MACROD2: variants seen among roughly 807,000 people sequenced by gnomAD.
The protein encoded by MACROD2 is mono-ADP ribosylhydrolase 2, also known as ADP-ribose glycohydrolase MACROD2.
A neutral mutation model predicts 70.4 loss-of-function variants in MACROD2; 36 were observed. That is an observed-to-expected ratio of 0.51 (90% CI 0.39 to 0.68). The LOEUF (loss-of-function observed/expected upper bound fraction) is 0.68. Among genes scored for constraint, MACROD2 ranks in the 30% least tolerant of loss-of-function variants. The pLI is 0.00. For missense variants in MACROD2, 496 were observed against 538.4 expected, an observed-to-expected ratio of 0.92 and a Z score of 0.78; for synonymous variants, 172 against 178.8, an observed-to-expected ratio of 0.96 and a Z score of 0.30.
chr20:15,632,906 CCTT>C lies in MACROD2; in HGVS notation c.645+133063_645+133065del, dbSNP rs1191549001. 5.3e-5 allele frequency among the ~76,000 whole-genome samples: 8 copies of C among 151,268 alleles called. No individual in the cohort carries two copies. In the East Asian group the frequency reaches 1.4e-3, roughly 26 times the overall value. ...CCTCCCTTCCATCCTTCTTTCGTTCCCTTCTTTCTCCCTTCCTCCCCTTCTTTC... is the reference window on the plus strand; with the variant it reads ...CCTCCCTTCCATCCTTCTTTCGTTCCCTTTCTCCCTTCCTCCCCTTCTTTC... On this transcript the variant is annotated intron_variant, in intron 8 of 17. Coordinates refer to ENST00000684519, the MANE Select transcript of MACROD2 (RefSeq NM_001351661.2).
At chr20:14,573,457 T>C (rs1258031992) in intron 4 of MACROD2, among the ~76,000 whole-genome samples, 1 of 152,206 alleles carries the variant, frequency 6.6e-6, no homozygotes, top group Non-Finnish European at 1.5e-5. Flanking sequence ...AAATAAAGTA[T>C]CTACGTACAT....
chr20:15,984,639 C>T (rs1035205936), intron 13 of MACROD2, among the ~76,000 whole-genome samples: 1 of 150,960 alleles, frequency 6.6e-6, no homozygotes, highest in African/African-American at 2.4e-5. Flanking sequence ...CCTCCCCCCC[C>T]CGCCCTTCTC....
chr20:15,962,661 C>T (rs1030234692), intron 12 of MACROD2, among the ~76,000 whole-genome samples: 1 of 152,104 alleles, frequency 6.6e-6, no homozygotes, highest in Non-Finnish European at 1.5e-5. Context: ...AATCTGAAGC[C>T]CTTCTGGGCC....
At chr20:14,793,119 C>A (rs2072469233) in intron 5 of MACROD2, among the ~76,000 whole-genome samples, 1 of 152,010 alleles carries the variant, frequency 6.6e-6, no homozygotes, top group South Asian at 2.1e-4. Flanking sequence ...ACATGGGTTA[C>A]AATTTTTCCT....
chr20:15,297,341 G>A (rs6079737), intron 6 of MACROD2, among the ~76,000 whole-genome samples: 5,216 of 152,176 alleles, frequency 0.034, 121 homozygotes, highest in South Asian at 0.079. Flanking sequence ...TTGTTACAGC[G>A]GGCTTGTATT....
chr20:15,609,597 G>A (rs567254719), intron 8 of MACROD2, among the ~76,000 whole-genome samples: 57 of 152,282 alleles, frequency 3.7e-4, no homozygotes, highest in Non-Finnish European at 7.5e-4. Flanking sequence ...GTGAGTGGAA[G>A]GTGATCTGTA....
chr20:14,624,365 A>G lies in MACROD2; in HGVS notation c.302-60478A>G, dbSNP rs1437556101. Among the ~76,000 whole-genome samples, 130 of 152,316 alleles carry G rather than the reference A, an allele frequency of 8.5e-4. 4 individuals carry two copies. The highest frequency in any genetic ancestry group is 8.4e-3 in the Admixed American group (128 of 15,284). ...CTGTTCCAGTCTTTTACTAAGGGAC[A>G]TTTTAATGCTGTCAACTTTGATTGG... On this transcript the variant is annotated intron_variant, in intron 4 of 17. Coordinates refer to ENST00000684519, the MANE Select transcript of MACROD2 (RefSeq NM_001351661.2).
intron 3 of MACROD2, among the ~76,000 whole-genome samples, chr20:14,208,888 A>G (rs2081547606): frequency 1.3e-5 from 2 of 152,368 alleles, no homozygotes; most frequent in African/African-American, 2.4e-5. Context: ...TCCTAAAAGT[A>G]GAAGAAAAAA....
chr20:14,234,935 C>A (rs1175197403), intron 3 of MACROD2, among the ~76,000 whole-genome samples: 1 of 152,032 alleles, frequency 6.6e-6, no homozygotes, highest in African/African-American at 2.4e-5. Context: ...ATTAATGAAC[C>A]GTTTATTATG....
intron 3 of MACROD2, among the ~76,000 whole-genome samples, chr20:14,187,273 T>C (rs184219926): frequency 2.0e-5 from 3 of 152,216 alleles, no homozygotes; most frequent in Admixed American, 6.5e-5. Context: ...TTTTGTGACA[T>C]TGGTGTAAAT....
chr20:15,439,558 A>G (rs1298932719), intron 7 of MACROD2, among the ~76,000 whole-genome samples: 3 of 152,144 alleles, frequency 2.0e-5, no homozygotes, highest in African/African-American at 2.4e-5. Context: ...CTGCAGCCCT[A>G]TAGCCACAAA....
At chr20:14,122,752 C>T (rs890963575) in intron 3 of MACROD2, among the ~76,000 whole-genome samples, 3 of 152,162 alleles carry the variant, frequency 2.0e-5, no homozygotes, top group Non-Finnish European at 4.4e-5. Context: ...GAGTTCTGAA[C>T]AACTATAGAA....
intron 3 of MACROD2, among the ~76,000 whole-genome samples, chr20:14,381,048 T>C (rs1441007396): frequency 6.6e-6 from 1 of 152,186 alleles, no homozygotes; most frequent in East Asian, 1.9e-4. Context: ...TCCTGATTTA[T>C]AACTCTGCTA....
At chr20:14,066,331 G>A (rs1217447873) in intron 2 of MACROD2, among the ~76,000 whole-genome samples, 1 of 152,042 alleles carries the variant, frequency 6.6e-6, no homozygotes, top group Admixed American at 6.6e-5. Flanking sequence ...CTTATTCTCT[G>A]CTAGACCCTG....
chr20:14,135,633 A>G (rs2054784986), intron 3 of MACROD2, among the ~76,000 whole-genome samples: 1 of 152,186 alleles, frequency 6.6e-6, no homozygotes, highest in East Asian at 1.9e-4. Flanking sequence ...CTATGATTGC[A>G]TCACTACACT....
At chr20:15,231,678 C>A (rs754458576) in intron 6 of MACROD2, among the ~76,000 whole-genome samples, 2 of 151,992 alleles carry the variant, frequency 1.3e-5, no homozygotes, top group East Asian at 1.9e-4. Flanking sequence ...TTAAAACAAT[C>A]GTGTTACTCT....
chr20:15,230,054 G>A lies in MACROD2; in HGVS notation c.533G>A (p.Arg178Gln), dbSNP rs1296831843. Residue 178 changes from arginine (R) to glutamine (Q), a missense_variant, in exon 6 of 18, where the codon CGA becomes CAA. Coordinates refer to ENST00000684519, the MANE Select transcript of MACROD2 (RefSeq NM_001351661.2). ...SLKLVKENNI[R>Q]SVAFPCISTG... Reference sequence around the variant, plus strand: ...AAGCTCGTGAAAGAAAATAACATCCGATCAGTTGTAAGTAATTTTATGTTT... The same window carrying A: ...AAGCTCGTGAAAGAAAATAACATCCAATCAGTTGTAAGTAATTTTATGTTT... 3 of 1,612,628 alleles carry A rather than the reference G, an allele frequency of 1.9e-6. No individual in the cohort carries two copies. Among genetic ancestry groups the A allele is most frequent in the South Asian group, 1.1e-5 (1 of 90,930 alleles).
At chr20:15,583,127 C>G (rs2048549787) in intron 8 of MACROD2, among the ~76,000 whole-genome samples, 1 of 152,166 alleles carries the variant, frequency 6.6e-6, no homozygotes, top group South Asian at 2.1e-4. Context: ...TTTATCCTTT[C>G]CAAACCCAGG....
intron 4 of MACROD2, among the ~76,000 whole-genome samples, chr20:14,680,779 T>C (rs2070922471): frequency 1.3e-5 from 2 of 152,082 alleles, no homozygotes; most frequent in Non-Finnish European, 2.9e-5. Flanking sequence ...TCACATCTGT[T>C]AAGGAATTTA....
Sources: gnomAD v4.1 joint callset for allele counts (sites outside exome capture counted in the v4.1 genomes callset) on GRCh38, gnomAD v4.1.1 for gene constraint, MANE v1.5 for transcripts, NCBI Gene and HGNC (gene_info 2026-07-23, HGNC 2026-07-21) for gene names.